RIMKLB: variants seen among roughly 807,000 people sequenced by gnomAD.
RIMKLB encodes ribosomal modification protein rimK like family member B, also known as beta-citrylglutamate synthase B.
In RIMKLB, 7 loss-of-function variants were observed where a neutral mutation model predicts 32.0. The observed-to-expected ratio is 0.22, with a 90% CI of 0.12 to 0.41. The LOEUF is 0.41. Among genes scored for constraint, RIMKLB ranks in the 10% least tolerant of loss-of-function variants. The probability of loss-of-function intolerance (pLI) is 1.00; values close to 1 mark genes in which losing one functional copy is unlikely to be tolerated. For missense variants in RIMKLB, 289 were observed against 498.7 expected, an observed-to-expected ratio of 0.58 and a Z score of 4.00; for synonymous variants, 172 against 185.1, an observed-to-expected ratio of 0.93 and a Z score of 0.57.
At chr12:8,770,482 A>G (rs762576529) in intron 5 of RIMKLB, among the ~76,000 whole-genome samples, 2 of 152,140 alleles carry the variant, frequency 1.3e-5, no homozygotes, top group South Asian at 2.1e-4. Flanking sequence ...AATTATACCT[A>G]TATTGCAAAG....
Position 8,713,964 on chromosome 12 carries a change from A to T in RIMKLB, c.98A>T (p.Lys33Ile), listed in dbSNP as rs1255953972. 1 of 1,614,060 alleles carries T rather than the reference A, an allele frequency of 6.2e-7. No individual in the cohort carries two copies. Among genetic ancestry groups the T allele is most frequent in the South Asian group, 1.1e-5 (1 of 91,078 alleles). The change falls in exon 2 of 6, where the codon AAA becomes ATA. Residue 33 changes from lysine to isoleucine, a missense_variant. This residue lies in a region of RIMKLB where 156 missense variants were observed against 329.5 expected (regional missense o/e 0.47). Transcript: ENST00000535829. ...GAGATTTTACGAGCATTGAAGGCCAAATGTTGTGAGGAGGAACTGGACTTT... is the reference window on the plus strand; with the variant it reads ...GAGATTTTACGAGCATTGAAGGCCATATGTTGTGAGGAGGAACTGGACTTT... The part of the protein sequence containing the change: ...QKEILRALKA[K>I]CCEEELDFRA...
rs914861497 is a variant in RIMKLB, at chr12:8,730,031, T to A, written c.175+15990T>A. ...TTGGGATAATACTGACACAAGAGTT[T>A]AAGAAATTGTCAAGCCTTTTCTGAG... On this transcript the variant is annotated intron_variant, in intron 2 of 5. Transcript: ENST00000535829. Among the ~76,000 whole-genome samples, 6 of 152,166 alleles carry A rather than the reference T, an allele frequency of 3.9e-5. No individual in the cohort carries two copies. The South Asian group carries it at 1.2e-3, about 32-fold the overall frequency.
chr12:8,763,209 T>A (rs1433002649), intron 5 of RIMKLB, among the ~76,000 whole-genome samples: 1 of 152,244 alleles, frequency 6.6e-6, no homozygotes, highest in Non-Finnish European at 1.5e-5. Flanking sequence ...ATCAGTTTCC[T>A]TACTCAGGTA....
chr12:8,738,390 G>A (rs1036285667), intron 2 of RIMKLB, among the ~76,000 whole-genome samples: 23 of 152,114 alleles, frequency 1.5e-4, no homozygotes, highest in African/African-American at 4.3e-4. Context: ...GCTGGAGAAC[G>A]CAAAGCTTAA....
intron 5 of RIMKLB, among the ~76,000 whole-genome samples, chr12:8,758,223 C>G (rs1488814299): frequency 6.7e-6 from 1 of 149,462 alleles, no homozygotes; most frequent in Non-Finnish European, 1.5e-5. Flanking sequence ...CTTTTTTAAT[C>G]GAGATTTTTT....
intron 1 of RIMKLB, among the ~76,000 whole-genome samples, chr12:8,703,245 C>G (rs11046861): frequency 0.033 from 5,054 of 152,060 alleles, 289 homozygotes; most frequent in African/African-American, 0.11. Context: ...GATCGCACCA[C>G]TGCACTCCAG....
chr12:8,744,787 A>G (rs963337687), intron 2 of RIMKLB, among the ~76,000 whole-genome samples: 4 of 151,812 alleles, frequency 2.6e-5, no homozygotes, highest in African/African-American at 9.7e-5. Flanking sequence ...CAGCCTCCCA[A>G]GTAGCTAGGA....
chr12:8,709,099 A>G (rs1180130133), intron 1 of RIMKLB, among the ~76,000 whole-genome samples: 1 of 152,198 alleles, frequency 6.6e-6, no homozygotes, highest in Non-Finnish European at 1.5e-5. Flanking sequence ...ATGTTTCGCT[A>G]CTGGAGAATA....
chr12:8,713,131 G>C (rs1366074558), intron 1 of RIMKLB, among the ~76,000 whole-genome samples: 1 of 152,134 alleles, frequency 6.6e-6, no homozygotes, highest in Non-Finnish European at 1.5e-5. Context: ...CATTGAGTAA[G>C]AGCGTGCTGT....
chr12:8,771,388 T>C (rs1328657206), intron 5 of RIMKLB, among the ~76,000 whole-genome samples: 1 of 152,114 alleles, frequency 6.6e-6, no homozygotes, highest in Non-Finnish European at 1.5e-5. Flanking sequence ...GAAGGTTAGA[T>C]TCTATTTTCT....
intron 2 of RIMKLB, among the ~76,000 whole-genome samples, chr12:8,732,375 G>A (rs1002834705): frequency 6.6e-6 from 1 of 152,170 alleles, no homozygotes; most frequent in Middle Eastern, 3.4e-3. Context: ...AATATATGGA[G>A]CCCAACACAT....
chr12:8,674,461 G>A, the RIMKLB span, among the ~76,000 whole-genome samples: 4 of 151,788 alleles, frequency 2.6e-5, no homozygotes, highest in Middle Eastern at 3.4e-3. Flanking sequence ...GGATGGTCTC[G>A]ATCTCCTGAC....
chr12:8,725,950 C>T (rs1005949299), intron 2 of RIMKLB, among the ~76,000 whole-genome samples: 6 of 152,176 alleles, frequency 3.9e-5, no homozygotes, highest in Non-Finnish European at 5.9e-5. Context: ...CAGGTTCAAG[C>T]GATTCTCCTG....
intron 7 of RIMKLB, among the ~76,000 whole-genome samples, chr12:8,782,423 A>G (rs185173299): frequency 1.6e-4 from 25 of 152,294 alleles, no homozygotes; most frequent in East Asian, 9.6e-4. Flanking sequence ...ACATATATAT[A>G]TTTAACATAA....
intron 2 of RIMKLB, among the ~76,000 whole-genome samples, chr12:8,722,787 G>A (rs1366223229): frequency 2.0e-5 from 3 of 152,212 alleles, no homozygotes; most frequent in Non-Finnish European, 4.4e-5. Context: ...AGCAGCTGCC[G>A]CTTTACCTTG....
chr12:8,708,110 T>C (rs1176718332), intron 1 of RIMKLB, among the ~76,000 whole-genome samples: 1 of 152,186 alleles, frequency 6.6e-6, no homozygotes, highest in Non-Finnish European at 1.5e-5. Context: ...ACAGATTCCA[T>C]TATGTGTTAC....
rs755820544 is a variant in RIMKLB at position 8,750,582 on chromosome 12, A to T, written c.406+490A>T. ...TTTTAATGTTTTTAAAGAAAGTAAC[A>T]CTTTAGTAGGTGTAGCAATGCTTTC... On this transcript the variant is annotated intron_variant, in intron 3 of 5. Coordinates refer to ENST00000535829, the MANE Select transcript of RIMKLB (RefSeq NM_001297776.2). 2.0e-5 allele frequency among the ~76,000 whole-genome samples: 3 copies of T among 151,730 alleles called. No homozygotes were observed. The South Asian group carries it at 6.2e-4, about 32-fold the overall frequency.
intron 1 of RIMKLB, among the ~76,000 whole-genome samples, chr12:8,704,818 T>C (rs1230652414): frequency 6.6e-6 from 1 of 151,066 alleles, no homozygotes; most frequent in Non-Finnish European, 1.5e-5. Flanking sequence ...AACCTGCCTC[T>C]AAAAGAAGAG....
chr12:8,723,374 G>A (rs58295998), intron 2 of RIMKLB, among the ~76,000 whole-genome samples: 2,010 of 152,160 alleles, frequency 0.013, 41 homozygotes, highest in African/African-American at 0.046. Flanking sequence ...GTTGCAGTTA[G>A]TGTCGCCCAT....
Sources: allele counts gnomAD v4.1 joint callset (sites outside exome capture counted in the v4.1 genomes callset), GRCh38; gene constraint gnomAD v4.1.1; regional missense constraint gnomAD v4.1.1; transcripts MANE v1.5; gene names NCBI Gene and HGNC (gene_info 2026-07-23, HGNC 2026-07-21).